MUC17: variants seen among roughly 807,000 people sequenced by gnomAD.
MUC17 encodes the protein mucin 17, cell surface associated.
A neutral mutation model predicts 170.3 loss-of-function variants in MUC17; 190 were observed. The observed-to-expected ratio is 1.12, with a 90% CI of 0.99 to 1.26. MUC17 has a LOEUF of 1.26. MUC17 is among the 50% of genes most tolerant of loss of function. The pLI is 0.00. For missense variants in MUC17, 6,415 were observed against 5,530.0 expected (o/e 1.16, Z -5.08); for synonymous variants, 2,325 against 2,002.5 (o/e 1.16, Z -4.30).
intron 12 of MUC17, among the ~76,000 whole-genome samples, chr7:101,057,538 T>C (rs1229413912): frequency 5.3e-5 from 8 of 152,006 alleles, no homozygotes; most frequent in Non-Finnish European, 8.8e-5. Flanking sequence ...AAGTCAGGAG[T>C]TTAGGACCAG....
At position 101,058,650 on chromosome 7, in the gene MUC17, A is replaced by G. The variant is rs1248629662; in HGVS notation, c.*606A>G. On this transcript the variant is annotated 3_prime_UTR_variant, in exon 13 of 13. Coordinates refer to ENST00000306151, the MANE Select transcript of MUC17 (RefSeq NM_001040105.2). ...TTGGACACTGGACTGCATGCACTTT[A>G]CATATCACAAAATGCTCTCATAAGA... 1 of 152,188 alleles carries G rather than the reference A, an allele frequency of 6.6e-6. No individual in the cohort carries two copies. Among genetic ancestry groups the G allele is most frequent in the African/African-American group, 2.4e-5 (1 of 41,436 alleles). 9.4% of individuals were successfully genotyped at this position (152,188 alleles called of 1,614,324 possible).
rs773088436 is a variant in MUC17 at position 101,043,625 on chromosome 7, A to C, written c.12209A>C (p.His4070Pro). ...ATCCCACCTACATTTCCTCCTGCTC[A>C]CTCCAGTACACCTCCAACAACCTCT... is the stretch of plus-strand genomic sequence containing the variant. ...HTIPPTFPPA[H>P]SSTPPTTSAS... Residue 4070 changes from histidine to proline, a missense_variant, in exon 3 of 13, where the codon CAC becomes CCC. Coordinates refer to ENST00000306151, the MANE Select transcript of MUC17 (RefSeq NM_001040105.2). 1 of 1,613,636 alleles carries C rather than the reference A, an allele frequency of 6.2e-7. No homozygotes were observed.
chr7:101,050,658 G>C, intron 7 of MUC17, 23 bp downstream of exon 7: 1 of 1,609,822 alleles, frequency 6.2e-7, no homozygotes, highest in Non-Finnish European at 8.5e-7. Flanking sequence ...CTTCCAGGGA[G>C]GGAAGGGAGA....
chr7:101,039,988 G>A lies in MUC17; in HGVS notation c.8572G>A (p.Val2858Ile), dbSNP rs116365680. 564 of 1,604,920 alleles carry A rather than the reference G, an allele frequency of 3.5e-4. 2 individuals carry two copies. The African/African-American group carries it at 6.1e-3, about 17-fold the overall frequency. ...SSSPTTAEGI[V>I]VPISTASEGS... ...ATCTCCTACAACTGCTGAAGGTATC[G>A]TCGTGCCAATCTCAACTGCTAGTGA... Residue 2858 changes from valine to isoleucine, a missense_variant, in exon 3 of 13, where the codon GTC becomes ATC. By Grantham distance (29) the Val-to-Ile change is conservative. Coordinates refer to ENST00000306151, the MANE Select transcript of MUC17 (RefSeq NM_001040105.2).
At chr7:101,052,184 C>T (rs554235505) in intron 9 of MUC17, among the ~76,000 whole-genome samples, 47 of 152,314 alleles carry the variant, frequency 3.1e-4, no homozygotes, top group African/African-American at 9.9e-4. Flanking sequence ...CATGTCCTCT[C>T]TGTGCTAAGG....
Position 101,035,378 on chromosome 7 carries a change from C to T in MUC17, c.3962C>T (p.Pro1321Leu), listed in dbSNP as rs773476350. Residue 1321 changes from proline (P) to leucine (L), a missense_variant, in exon 3 of 13, where the codon CCT becomes CTT. By Grantham distance (98) the Pro-to-Leu change is moderately conservative. Coordinates refer to ENST00000306151, the MANE Select transcript of MUC17 (RefSeq NM_001040105.2). ...TSNEVSSSPT[P>L]AEGTSMPTST... ...AATGAAGTCAGTTCATCTCCTACAC[C>T]TGCTGAAGGTACCAGCATGCCAACC... 6.2e-7 allele frequency: 1 copy of T among 1,611,286 alleles called. No homozygotes were observed. The highest frequency in any genetic ancestry group is 8.5e-7 in the Non-Finnish European group (1 of 1,178,372).
rs371594833 is a variant in MUC17, at chr7:101,049,335, G to C, written c.12675G>C (p.Val4225=). Residue 4225 remains valine, a synonymous_variant, in exon 6 of 13, where the codon GTG becomes GTC. Transcript: ENST00000306151. The stretch of plus-strand genomic sequence containing the variant: ...CCCTTGCCTTTCAGATGAATATTGT[G>C]TATTCCGGGATCCCTGAGTATGTCG... ...KQTFTEQMNI[V]YSGIPEYVGV... 1 of 1,614,164 alleles carries C rather than the reference G, an allele frequency of 6.2e-7. No homozygotes were observed. Among genetic ancestry groups the C allele is most frequent in the Non-Finnish European group, 8.5e-7 (1 of 1,180,008 alleles).
intron 1 of MUC17, among the ~76,000 whole-genome samples, chr7:101,029,878 C>T (rs949586673): frequency 1.3e-5 from 2 of 152,072 alleles, no homozygotes; most frequent in African/African-American, 2.4e-5. Flanking sequence ...AGATTACAGG[C>T]GTGAACCACC....
rs1562810138 is a variant in MUC17 at position 101,036,570 on chromosome 7, C to T, written c.5154C>T (p.Ser1718=). 1 of 1,613,298 alleles carries T rather than the reference C, an allele frequency of 6.2e-7. No individual in the cohort carries two copies. The highest frequency in any genetic ancestry group is 8.5e-7 in the Non-Finnish European group (1 of 1,179,570). Residue 1718 remains serine (S), a synonymous_variant, in exon 3 of 13, where the codon AGC becomes AGT. Coordinates refer to ENST00000306151, the MANE Select transcript of MUC17 (RefSeq NM_001040105.2). ...STLSTTPVDN[S]TPVTTSTEAR... ...TTTCAACAACTCCCGTTGACAACAG[C>T]ACACCTGTGACCACTTCTACTGAAG...
At chr7:101,047,955 G>C in intron 3 of MUC17, 29 bp from the exon 4 acceptor site, 5 of 1,547,480 alleles carry the variant, frequency 3.2e-6, no homozygotes, top group Admixed American at 2.0e-5. Flanking sequence ...GAGGAACTTG[G>C]AAAGAAAACT....
At position 101,041,178 on chromosome 7, in the gene MUC17, C is replaced by T. The variant is rs760705148; in HGVS notation, c.9762C>T (p.Thr3254=). Residue 3254 remains threonine (T), a synonymous_variant, in exon 3 of 13, where the codon ACC becomes ACT. Transcript: ENST00000306151. ...TTPVDSNTPL[T]TSTEASSSPP... ...CTGTTGACTCCAACACTCCTTTGAC[C>T]ACTTCTACTGAAGCCAGTTCATCTC... The T allele has an allele frequency of 8.7e-6, 14 of 1,613,206 alleles. No homozygotes were observed. The East Asian group carries it at 1.1e-4, about 13-fold the overall frequency.
chr7:101,045,738 A>G (rs1584873830), intron 3 of MUC17, among the ~76,000 whole-genome samples: 1 of 152,148 alleles, frequency 6.6e-6, no homozygotes, highest in Admixed American at 6.5e-5. Context: ...TCTCCAATAT[A>G]TCTTTGTCTT....
At chr7:101,056,305 C>A in intron 12 of MUC17, 35 bp downstream of exon 12, 7 of 1,610,658 alleles carry the variant, frequency 4.3e-6, no homozygotes, top group Non-Finnish European at 5.9e-6. Flanking sequence ...TGGCCTCCCC[C>A]AACCCTGCGA....
rs145908994 is a variant in MUC17, at chr7:101,038,303, T to C, written c.6887T>C (p.Val2296Ala). 4.1e-4 allele frequency: 658 copies of C among 1,610,750 alleles called. No homozygotes were observed. Among genetic ancestry groups the C allele is most frequent in the Non-Finnish European group, 4.7e-4 (558 of 1,178,716 alleles). The change falls in exon 3 of 13, where the codon GTT (valine) becomes GCT (alanine). Residue 2296 changes from valine (V) to alanine (A), a missense_variant. Coordinates refer to ENST00000306151, the MANE Select transcript of MUC17 (RefSeq NM_001040105.2). ...CACACGCTGGTGGCCAATTCTGAGGTTAGCACCCTTTCAACAACTCCTGTT... is the reference window on the plus strand; with the variant it reads ...CACACGCTGGTGGCCAATTCTGAGGCTAGCACCCTTTCAACAACTCCTGTT... ...VSHTLVANSEVSTLSTTPVDS... is the reference protein window; with the variant it reads ...VSHTLVANSEASTLSTTPVDS...
chr7:101,044,088 G>A (rs1222463310), intron 3 of MUC17, among the ~76,000 whole-genome samples: 1 of 152,114 alleles, frequency 6.6e-6, no homozygotes, highest in Non-Finnish European at 1.5e-5. Flanking sequence ...AGAACATTTG[G>A]TGTTTGGTTT....
At position 101,050,614 on chromosome 7, in the gene MUC17, A is replaced by G. The variant is rs899170770; in HGVS notation, c.12853A>G (p.Met4285Val). 1.5e-5 allele frequency: 24 copies of G among 1,613,846 alleles called. No individual in the cohort carries two copies. The highest frequency in any genetic ancestry group is 1.9e-5 in the Non-Finnish European group (23 of 1,179,890). ...CACAAAAGTGACCACACAGCAAATA[A>G]TGATTAATGATATTTGCTCAGGTGA... ...KITKVTTQQI[M>V]INDICSDMMC... The change falls in exon 7 of 13, where the codon ATG (methionine) becomes GTG (valine). Residue 4285 changes from methionine (M) to valine (V), a missense_variant. Physicochemically the swap from Met to Val is conservative, Grantham distance 21. Coordinates refer to ENST00000306151, the MANE Select transcript of MUC17 (RefSeq NM_001040105.2).
rs558110714 is a variant in MUC17 at position 101,040,681 on chromosome 7, C to A, written c.9265C>A (p.Pro3089Thr). 129 of 1,609,348 alleles carry A rather than the reference C, an allele frequency of 8.0e-5. No homozygotes were observed. The South Asian group carries it at 1.3e-3, about 16-fold the overall frequency. ...TSTEVSSSPT[P>T]AEGTSMPIST... ...TACTGAAGTCAGTTCATCTCCTACA[C>A]CTGCTGAAGGTACCAGCATGCCAAT... The change falls in exon 3 of 13, where the codon CCT becomes ACT. Residue 3089 changes from proline to threonine, a missense_variant. Transcript: ENST00000306151.
chr7:101,040,976 CTCCTGT>C lies in MUC17; in HGVS notation c.9562_9567del (p.Pro3188_Val3189del). On this transcript the variant is annotated inframe_deletion, in exon 3 of 13. Transcript: ENST00000306151. ...TCTGAGGATAGCACCCTTTCAGCAA[CTCCTGT>C]TGACACCAGCACACCTGTGACCACT... The C allele has an allele frequency of 6.2e-7, 1 of 1,613,934 alleles. No homozygotes were observed. Among genetic ancestry groups the C allele is most frequent in the Non-Finnish European group, 8.5e-7 (1 of 1,179,940 alleles).
rs201819666 is a variant in MUC17, at chr7:101,038,554, A to T, written c.7138A>T (p.Thr2380Ser). Residue 2380 changes from threonine to serine, a missense_variant, in exon 3 of 13, where the codon ACA becomes TCA. Thr to Ser is a moderately conservative substitution (Grantham distance 58). Transcript: ENST00000306151. ...TTATTCTCAAGCCGGTTCATCTCCT[A>T]CAACTGCTGACGATACTAGCATGCC... is the stretch of plus-strand genomic sequence containing the variant. ...TTYSQAGSSP[T>S]TADDTSMPTS... The T allele has an allele frequency of 6.2e-7, 1 of 1,613,858 alleles. No homozygotes were observed. Among genetic ancestry groups the T allele is most frequent in the Admixed American group, 1.7e-5 (1 of 60,002 alleles).
Sources: gnomAD v4.1 joint callset for allele counts (sites outside exome capture counted in the v4.1 genomes callset) on GRCh38, gnomAD v4.1.1 for gene constraint, MANE v1.5 for transcripts, NCBI Gene and HGNC (gene_info 2026-07-23, HGNC 2026-07-21) for gene names.